The following MAP3K7 variants were observed in gnomAD, a reference collection of about 807,000 sequenced individuals.
MAP3K7 encodes mitogen-activated protein kinase kinase kinase 7.
A neutral mutation model predicts 84.8 loss-of-function variants in MAP3K7; 21 were observed. The observed-to-expected ratio is 0.25, with a 90% CI of 0.18 to 0.36. The LOEUF (loss-of-function observed/expected upper bound fraction) is 0.36, where lower values mean the gene tolerates loss of function less well. Ranked by LOEUF, MAP3K7 falls within the 10% of genes least tolerant of loss-of-function variation. The pLI is 1.00. For missense variants in MAP3K7, 503 were observed against 747.7 expected (o/e 0.67, Z 3.82); for synonymous variants, 241 against 247.7 (o/e 0.97, Z 0.25).
intron 3 of MAP3K7, among the ~76,000 whole-genome samples, chr6:90,567,547 T>C (rs1434534003): frequency 6.6e-6 from 1 of 152,146 alleles, no homozygotes; most frequent in African/African-American, 2.4e-5. Context: ...TGGTGACCAT[T>C]AAAAAGTCAG....
rs887400675 is a variant in MAP3K7, at chr6:90,587,050, C to G, written c.-167G>C. On this transcript the variant is annotated 5_prime_UTR_variant, in exon 1 of 17. Coordinates refer to ENST00000369329, the MANE Select transcript of MAP3K7 (RefSeq NM_145331.3). ...GCAGCGGCCACAGCCGTGTCCGGCT[C>G]TGGCTCCGCTGCGTTTTCCGCCGAC... 3 of 760,028 alleles carry G rather than the reference C, an allele frequency of 3.9e-6. No homozygotes were observed. The highest frequency in any genetic ancestry group is 3.7e-5 in the African/African-American group (2 of 53,818). The allele number at this position is 760,028 out of a possible 1,614,324, so 47.1% of individuals were successfully genotyped here. A position where few individuals can be genotyped will look rare whatever the true frequency, so the allele number is the denominator to read the frequency against.
At chr6:90,582,918 T>C (rs549431255) in intron 1 of MAP3K7, among the ~76,000 whole-genome samples, 55 of 149,040 alleles carry the variant, frequency 3.7e-4, no homozygotes, top group African/African-American at 1.1e-3. Flanking sequence ...AGTCTCCCTC[T>C]GTTGTCCAGG....
chr6:90,575,272 T>C (rs1161895684), intron 1 of MAP3K7, among the ~76,000 whole-genome samples: 2 of 152,132 alleles, frequency 1.3e-5, no homozygotes, highest in Non-Finnish European at 2.9e-5. Flanking sequence ...TAAAAACTTT[T>C]AAACACTTAC....
At chr6:90,564,978 A>G (rs1294525267) in intron 3 of MAP3K7, among the ~76,000 whole-genome samples, 1 of 152,220 alleles carries the variant, frequency 6.6e-6, no homozygotes, top group Non-Finnish European at 1.5e-5. Flanking sequence ...TAACGAAATG[A>G]AGGCAGAAAT....
intron 8 of MAP3K7, 34 bp from the exon 9 acceptor site, chr6:90,550,583 T>C (rs867120610): frequency 7.4e-7 from 1 of 1,344,560 alleles, no homozygotes; most frequent in Middle Eastern, 1.8e-4. Flanking sequence ...AGCTTAAAAT[T>C]TCCTTAATAC....
chr6:90,558,300 C>T (rs913057918), intron 5 of MAP3K7, among the ~76,000 whole-genome samples: 5 of 151,570 alleles, frequency 3.3e-5, no homozygotes, highest in South Asian at 4.2e-4. Context: ...CCAGCCTGGG[C>T]GACAGAGCGA....
At chr6:90,570,360 G>A (rs1318993582) in intron 2 of MAP3K7, among the ~76,000 whole-genome samples, 1 of 152,186 alleles carries the variant, frequency 6.6e-6, no homozygotes, top group Non-Finnish European at 1.5e-5. Context: ...AGGTTGGGGA[G>A]TGGCAGCAGA....
At chr6:90,540,197 G>C (rs1033805814) in intron 12 of MAP3K7, among the ~76,000 whole-genome samples, 1 of 151,804 alleles carries the variant, frequency 6.6e-6, no homozygotes, top group African/African-American at 2.4e-5. Context: ...CTTAAGAACA[G>C]TATGTAAGAC....
intron 12 of MAP3K7, chr6:90,536,890 A>C (rs1350134429): frequency 6.5e-6 from 1 of 154,208 alleles, no homozygotes; most frequent in Non-Finnish European, 1.4e-5. Flanking sequence ...TGTTATATTG[A>C]GTCACGCTTA....
intron 12 of MAP3K7, among the ~76,000 whole-genome samples, chr6:90,538,827 A>C (rs1207530502): frequency 6.6e-6 from 1 of 151,646 alleles, no homozygotes; most frequent in Non-Finnish European, 1.5e-5. Flanking sequence ...CCAGACAGCC[A>C]CTCCTGTAAT....
At chr6:90,581,225 T>C (rs1004102858) in intron 1 of MAP3K7, among the ~76,000 whole-genome samples, 2 of 152,238 alleles carry the variant, frequency 1.3e-5, no homozygotes, top group Non-Finnish European at 2.9e-5. Flanking sequence ...TGTATGCCTT[T>C]GTGCTCTTAA....
chr6:90,552,286 G>C, intron 7 of MAP3K7, 107 bp from the exon 8 acceptor site: 2 of 1,035,378 alleles, frequency 1.9e-6, no homozygotes, highest in Non-Finnish European at 2.8e-6. Flanking sequence ...AGATCTTGTA[G>C]TTTAAGATCT....
At chr6:90,549,073 G>T (rs1776095866) in intron 9 of MAP3K7, among the ~76,000 whole-genome samples, 1 of 152,118 alleles carries the variant, frequency 6.6e-6, no homozygotes, top group Non-Finnish European at 1.5e-5. Flanking sequence ...AGCTAAAACT[G>T]ATGATGCAAG....
intron 4 of MAP3K7, among the ~76,000 whole-genome samples, chr6:90,560,556 A>G (rs1318340099): frequency 6.6e-6 from 1 of 151,976 alleles, no homozygotes; most frequent in Non-Finnish European, 1.5e-5. Context: ...GAGATAGGGT[A>G]TCACCATGTT....
In MAP3K7 at chr6:90,568,566, A is replaced by G; in HGVS notation, c.289T>C (p.Leu97=). Residue 97 remains leucine (L), a synonymous_variant, in exon 3 of 17, where the codon TTG becomes CTG. Coordinates refer to ENST00000369329, the MANE Select transcript of MAP3K7 (RefSeq NM_145331.3). Reference sequence around the variant, plus strand: ...AAAAGTAACAAACTTACTGGATTCAAGCAGGCTCCATAAAGCTTTACAATA... The same window carrying G: ...AAAAGTAACAAACTTACTGGATTCAGGCAGGCTCCATAAAGCTTTACAATA... ...PNIVKLYGAC[L]NPVCLVMEYA... The G allele has an allele frequency of 9.3e-6, 15 of 1,607,920 alleles. No individual in the cohort carries two copies. The highest frequency in any genetic ancestry group is 1.3e-5 in the Non-Finnish European group (15 of 1,178,476).
intron 13 of MAP3K7, among the ~76,000 whole-genome samples, chr6:90,535,710 G>A (rs1775649095): frequency 6.6e-6 from 1 of 152,070 alleles, no homozygotes; most frequent in Non-Finnish European, 1.5e-5. Flanking sequence ...AACACTGTCT[G>A]CATCATCTGC....
At position 90,513,720 on chromosome 6, in the gene MAP3K7, TACC is replaced by T. The variant is rs1444016916; in HGVS notation, c.*2778_*2780del. ...TGACAGAAGTAGAAGTAGAACTTAC[TACC>T]ATTTGAAGACAGGAGTTGAGCGCTG... On this transcript the variant is annotated 3_prime_UTR_variant, in exon 17 of 17. Coordinates refer to ENST00000369329, the MANE Select transcript of MAP3K7 (RefSeq NM_145331.3). 1 of 152,134 alleles carries T rather than the reference TACC, an allele frequency of 6.6e-6. No individual in the cohort carries two copies. Among genetic ancestry groups the T allele is most frequent in the Non-Finnish European group, 1.5e-5 (1 of 68,002 alleles). 9.4% of individuals were successfully genotyped at this position (152,134 alleles called of 1,614,324 possible). A position where few individuals can be genotyped will look rare whatever the true frequency, so the allele number is the denominator to read the frequency against.
chr6:90,580,504 A>G (rs1351251842), intron 1 of MAP3K7, among the ~76,000 whole-genome samples: 1 of 152,228 alleles, frequency 6.6e-6, no homozygotes, highest in African/African-American at 2.4e-5. Context: ...AATTTTTTAT[A>G]GAGACAGGGT....
chr6:90,517,749 C>G (rs1484537020), intron 16 of MAP3K7, among the ~76,000 whole-genome samples: 1 of 151,494 alleles, frequency 6.6e-6, no homozygotes, highest in Non-Finnish European at 1.5e-5. Context: ...ATACAGAAAG[C>G]TTTTCGCAAA....
Sources: allele counts gnomAD v4.1 joint callset (sites outside exome capture counted in the v4.1 genomes callset), GRCh38; gene constraint gnomAD v4.1.1; transcripts MANE v1.5; gene names NCBI Gene and HGNC (gene_info 2026-07-23, HGNC 2026-07-21).